HEMGN: variants seen among roughly 807,000 people sequenced by gnomAD.
HEMGN encodes erythroid differentiation-associated gene protein.
A neutral mutation model predicts 45.7 loss-of-function variants in HEMGN; 32 were observed. The ratio of observed to expected loss-of-function variants is 0.70; its 90% CI spans 0.53 to 0.94. HEMGN has a LOEUF of 0.94. HEMGN is among the 40% of genes least tolerant of loss of function. HEMGN has a pLI of 0.00. For synonymous variants in HEMGN, 183 were observed against 178.6 expected (o/e 1.02, Z -0.20); for missense variants, 530 against 564.2 (o/e 0.94, Z 0.61).
exon 1 of HEMGN, chr9:97,944,845 A>G (rs567666013): frequency 1.3e-5 from 2 of 152,190 alleles, no homozygotes; most frequent in East Asian, 1.9e-4. Context: ...GTCTTCTGTC[A>G]TATGTCTGCC....
At position 97,936,154 on chromosome 9, in the gene HEMGN, T is replaced by G; in HGVS notation, c.173+17A>C. ...AATAAATATATTAGTTCCCTTTCCC[T>G]TGTGATGCTACCATACCCAAATAGC... On this transcript the variant is annotated intron_variant, in intron 2 of 3. Coordinates refer to ENST00000616898, the MANE Select transcript of HEMGN (RefSeq NM_197978.3). 6.5e-7 allele frequency: 1 copy of G among 1,549,268 alleles called. No homozygotes were observed. The highest frequency in any genetic ancestry group is 8.9e-7 in the Non-Finnish European group (1 of 1,120,982).
chr9:97,938,382 G>A (rs975513383), upstream of HEMGN: 4 of 410,382 alleles, frequency 9.7e-6, no homozygotes, highest in African/African-American at 8.3e-5. Flanking sequence ...CCTAGCATAG[G>A]TTGCTATTTA....
upstream of HEMGN, among the ~76,000 whole-genome samples, chr9:97,938,636 G>T (rs1309464354): frequency 6.6e-6 from 1 of 152,068 alleles, no homozygotes; most frequent in East Asian, 1.9e-4. Flanking sequence ...TACTTCATAC[G>T]GTTCTTGTGA....
At chr9:97,941,014 G>A (rs962121034), upstream of HEMGN, among the ~76,000 whole-genome samples, 9 of 152,114 alleles carry the variant, frequency 5.9e-5, no homozygotes, top group Admixed American at 5.2e-4. Context: ...GAACAGCAAA[G>A]TCCCTGCCTT....
At chr9:97,937,075 G>A (rs1314667221) in intron 1 of HEMGN, among the ~76,000 whole-genome samples, 1 of 152,058 alleles carries the variant, frequency 6.6e-6, no homozygotes, top group African/African-American at 2.4e-5. Context: ...TTGAACCATG[G>A]TGCCTCTTGT....
chr9:97,930,306 A>G lies in HEMGN; in HGVS notation c.1089T>C (p.Ser363=). Residue 363 remains serine (S), a synonymous_variant, in exon 3 of 4, where the codon TCT becomes TCC. Transcript: ENST00000616898. ...GATACGTTTCAGGTGAATATTTTTC[A>G]GACCCAGGAGTTTCTTGGTTTATTT... ...SIEINQETPG[S]EKYSPETYQE... 1.2e-6 allele frequency: 2 copies of G among 1,613,986 alleles called. No individual in the cohort carries two copies. The highest frequency in any genetic ancestry group is 1.1e-5 in the South Asian group (1 of 91,028).
upstream of HEMGN, among the ~76,000 whole-genome samples, chr9:97,940,039 ATTAG>A (rs913059107): frequency 2.6e-5 from 4 of 152,208 alleles, no homozygotes; most frequent in Non-Finnish European, 2.9e-5. Flanking sequence ...TTTAATTCTT[ATTAG>A]TTAGGTTGTT....
At chr9:97,944,166 G>A (rs1296965866) in intron 1 of HEMGN, among the ~76,000 whole-genome samples, 1 of 152,160 alleles carries the variant, frequency 6.6e-6, no homozygotes, top group Non-Finnish European at 1.5e-5. Flanking sequence ...AAATAAATAT[G>A]TCTGAGTTCT....
Position 97,931,146 on chromosome 9 carries a change from T to G in HEMGN, c.249A>C (p.Glu83Asp), listed in dbSNP as rs777135825. The change falls in exon 3 of 4, where the codon GAA becomes GAC. Residue 83 changes from glutamate to aspartate, a missense_variant. Transcript: ENST00000616898. ...RRGRKRQQNTELKVEPQPQIE... is the reference protein window; with the variant it reads ...RRGRKRQQNTDLKVEPQPQIE... ...TCTGTGGCTGAGGCTCCACCTTCAATTCTGTGTTTTGTTGTCTCTTTCTGC... is the reference window on the plus strand; with the variant it reads ...TCTGTGGCTGAGGCTCCACCTTCAAGTCTGTGTTTTGTTGTCTCTTTCTGC... 1.9e-6 allele frequency: 3 copies of G among 1,614,120 alleles called. No individual in the cohort carries two copies. Among genetic ancestry groups the G allele is most frequent in the Non-Finnish European group, 2.5e-6 (3 of 1,180,032 alleles).
chr9:97,939,180 T>A (rs1206608795), upstream of HEMGN, among the ~76,000 whole-genome samples: 1 of 152,210 alleles, frequency 6.6e-6, no homozygotes, highest in African/African-American at 2.4e-5. Flanking sequence ...CCTAATTCAG[T>A]GACCTGAGGC....
upstream of HEMGN, chr9:97,938,412 C>G: frequency 6.2e-6 from 2 of 322,042 alleles, no homozygotes; most frequent in South Asian, 1.2e-4. Context: ...ACTCTCTGAC[C>G]ACAGCCTGGC....
rs1276679736 is a variant in HEMGN, at chr9:97,930,130, C to G, written c.1265G>C (p.Cys422Ser). 3 of 1,614,158 alleles carry G rather than the reference C, an allele frequency of 1.9e-6. No individual in the cohort carries two copies. The highest frequency in any genetic ancestry group is 2.5e-6 in the Non-Finnish European group (3 of 1,180,028). Residue 422 changes from cysteine to serine, a missense_variant, in exon 3 of 4, where the codon TGC becomes TCC. By Grantham distance (112) the Cys-to-Ser change is moderately radical. Transcript: ENST00000616898. ...TYKNKDVPKE[C>S]FPEPHQETGG... ...TGTTTCTTGGTGTGGTTCTGGAAAGCATTCTTTAGGCACATCCTTATTTTT... is the reference window on the plus strand; with the variant it reads ...TGTTTCTTGGTGTGGTTCTGGAAAGGATTCTTTAGGCACATCCTTATTTTT...
chr9:97,930,878 A>G lies in HEMGN; in HGVS notation c.517T>C (p.Ser173Pro), dbSNP rs1564121065. 1 of 1,614,128 alleles carries G rather than the reference A, an allele frequency of 6.2e-7. No homozygotes were observed. The highest frequency in any genetic ancestry group is 8.5e-7 in the Non-Finnish European group (1 of 1,179,982). ...GATATTTCTTGGTACATTTTAGGAG[A>G]GAGGTCTTCAGGTTCAGACACATGT... The part of the protein sequence containing the change: ...CQHVSEPEDL[S>P]PKMYQEISVL... Residue 173 changes from serine (S) to proline (P), a missense_variant, in exon 3 of 4, where the codon TCT (serine) becomes CCT (proline). Physicochemically the swap from Ser to Pro is moderately conservative, Grantham distance 74. Transcript: ENST00000616898.
rs34825770 is a variant in HEMGN, at chr9:97,927,168, TACACAC to T, written c.*210_*215del. 2,625 of 316,736 alleles carry T rather than the reference TACACAC, an allele frequency of 8.3e-3. 41 individuals carry two copies. The highest frequency in any genetic ancestry group is 0.04 in the African/African-American group (1,807 of 44,976). 19.6% of individuals were successfully genotyped at this position (316,736 alleles called of 1,614,324 possible). On this transcript the variant is annotated 3_prime_UTR_variant, in exon 4 of 4. Coordinates refer to ENST00000616898, the MANE Select transcript of HEMGN (RefSeq NM_197978.3). The stretch of plus-strand genomic sequence containing the variant: ...ATCCTCTCCCCGACCTATACATACA[TACACAC>T]ACACACACACACACACACACACACA...
rs975925504 is a variant in HEMGN, at chr9:97,938,086, G to A, written c.51C>T (p.Asp17=). The A allele has an allele frequency of 6.8e-6, 11 of 1,611,892 alleles. No homozygotes were observed. Among genetic ancestry groups the A allele is most frequent in the African/African-American group, 1.3e-5 (1 of 74,676 alleles). ...QSHLKHHQTP[D]PHQEENHSPE... Reference sequence around the variant, plus strand: ...GAGAATGGTTCTCTTCTTGATGAGGGTCAGGTGTCTGATGGTGCTTCAAAT... The same window carrying A: ...GAGAATGGTTCTCTTCTTGATGAGGATCAGGTGTCTGATGGTGCTTCAAAT... The change falls in exon 1 of 4, where the codon GAC becomes GAT. Residue 17 remains aspartate, a synonymous_variant. Coordinates refer to ENST00000616898, the MANE Select transcript of HEMGN (RefSeq NM_197978.3).
intron 2 of HEMGN, among the ~76,000 whole-genome samples, chr9:97,934,211 G>T (rs1267043340): frequency 6.6e-6 from 1 of 151,960 alleles, no homozygotes; most frequent in Non-Finnish European, 1.5e-5. Context: ...AGCTGGGCGT[G>T]GTGGCCAGTG....
chr9:97,938,013 G>A (rs777049684), intron 1 of HEMGN, 45 bp downstream of exon 1: 55 of 1,072,114 alleles, frequency 5.1e-5, no homozygotes, highest in Non-Finnish European at 5.9e-5. Context: ...ATCATACCCC[G>A]AATTCTTCTC....
intron 2 of HEMGN, among the ~76,000 whole-genome samples, chr9:97,931,780 G>A (rs185229821): frequency 2.7e-4 from 41 of 152,160 alleles, no homozygotes; most frequent in Admixed American, 5.2e-4. Context: ...TATCAAATGA[G>A]GTATACTGTA....
At chr9:97,942,376 T>C (rs1827166133), upstream of HEMGN, among the ~76,000 whole-genome samples, 1 of 150,256 alleles carries the variant, frequency 6.7e-6, no homozygotes, top group Non-Finnish European at 1.5e-5. Flanking sequence ...TCTACCTCCC[T>C]GGGCTCAGGT....
Sources: gnomAD v4.1 joint callset for allele counts (sites outside exome capture counted in the v4.1 genomes callset) on GRCh38, gnomAD v4.1.1 for gene constraint, MANE v1.5 for transcripts, NCBI Gene and HGNC (gene_info 2026-07-23, HGNC 2026-07-21) for gene names.